Variants in COL14A1 observed in about 807,000 individuals in gnomAD.
The protein encoded by COL14A1 is collagen alpha-1(XIV) chain.
Under a neutral mutation model 230.3 loss-of-function variants are expected in COL14A1, and 136 were observed. The observed-to-expected ratio is 0.59, with a 90% CI of 0.51 to 0.68. The LOEUF is 0.68. COL14A1 is among the 30% of genes least tolerant of loss of function. The pLI, the probability that COL14A1 is intolerant of heterozygous loss-of-function variation, is 0.00. For synonymous variants in COL14A1, 792 were observed against 784.1 expected (o/e 1.01, Z -0.17); for missense variants, 1,976 against 2,215.8 (o/e 0.89, Z 2.17).
At chr8:120,256,920 T>C (rs1319602873) in intron 23 of COL14A1, among the ~76,000 whole-genome samples, 5 of 152,208 alleles carry the variant, frequency 3.3e-5, no homozygotes, top group Admixed American at 2.0e-4. Flanking sequence ...GGATATTCGT[T>C]GCCTTTCATA....
At chr8:120,168,925 G>A (rs1478457689) in intron 5 of COL14A1, among the ~76,000 whole-genome samples, 5 of 151,910 alleles carry the variant, frequency 3.3e-5, no homozygotes, top group Non-Finnish European at 7.4e-5. Context: ...TCACAATCTC[G>A]GCTCACTGCA....
At chr8:120,222,771 C>CAA (rs397762677) in intron 14 of COL14A1, among the ~76,000 whole-genome samples, 1,951 of 151,064 alleles carry the variant, frequency 0.013, 13 homozygotes, top group Middle Eastern at 0.051. Flanking sequence ...TCTATTCACT[C>CAA]AAAAAAAAAT....
Position 120,196,936 on chromosome 8 carries a change from GAC to G in COL14A1, c.585_586del (p.Arg196AsnfsTer7). The part of the protein sequence containing the change: ...VTAFDVGSEK[T>X]RIGLAQYSGD... ...CAGCATTCGATGTGGGCTCAGAGAA[GAC>G]ACGAATTGGTATAATTTCTATTATT... is the stretch of plus-strand genomic sequence containing the variant. On this transcript the variant is annotated frameshift_variant, in exon 6 of 48. Coordinates refer to ENST00000297848, the MANE Select transcript of COL14A1 (RefSeq NM_021110.4). LOFTEE classifies it high-confidence loss of function. 6.2e-7 allele frequency: 1 copy of G among 1,613,774 alleles called. No individual in the cohort carries two copies. Among genetic ancestry groups the G allele is most frequent in the Non-Finnish European group, 8.5e-7 (1 of 1,179,848 alleles).
intron 8 of COL14A1, among the ~76,000 whole-genome samples, chr8:120,203,021 T>TATATATA (rs61499035): frequency 2.3e-4 from 32 of 141,540 alleles, no homozygotes; most frequent in East Asian, 4.1e-4. Flanking sequence ...TATATATATA[T>TATATATA]TTGTTCTAGC....
At chr8:120,301,032 A>G (rs535499655) in intron 36 of COL14A1, among the ~76,000 whole-genome samples, 1 of 152,200 alleles carries the variant, frequency 6.6e-6, no homozygotes, top group East Asian at 1.9e-4. Flanking sequence ...TGACTCCTAG[A>G]GATGATGCTT....
At chr8:120,310,135 C>G (rs529299261) in intron 37 of COL14A1, 73 bp downstream of exon 37, 876 of 1,470,880 alleles carry the variant, frequency 6.0e-4, no homozygotes, top group Non-Finnish European at 7.7e-4. Context: ...CATTTTGGAG[C>G]TAAATGTGAC....
At chr8:120,371,119 C>G (rs973747647) in intron 47 of COL14A1, 33 bp from the exon 48 acceptor site, 1 of 1,528,012 alleles carries the variant, frequency 6.5e-7, no homozygotes, top group Non-Finnish European at 8.9e-7. Context: ...TTCCTGGGTG[C>G]AGCAAGTCCC....
intron 1 of COL14A1, among the ~76,000 whole-genome samples, chr8:120,136,169 C>T (rs373259540): frequency 5.9e-5 from 9 of 152,128 alleles, no homozygotes; most frequent in African/African-American, 1.9e-4. Context: ...AGTTAACATC[C>T]CTATTTTATT....
In COL14A1 at chr8:120,280,903, C is replaced by CTTTT; in HGVS notation, c.3686-6_3686-3dup. 3 of 1,398,552 alleles carry CTTTT rather than the reference C, an allele frequency of 2.1e-6. No individual in the cohort carries two copies. The highest frequency in any genetic ancestry group is 2.9e-6 in the Non-Finnish European group (3 of 1,036,640). The allele number at this position is 1,398,552 out of a possible 1,614,324, so 86.6% of individuals were successfully genotyped here. ...ATTCCTTATGTTTATTCTTTTTCTA[C>CTTTT]TTTTTTTTTTTTTTTAGGATTTAAG... On this transcript the variant is annotated splice_polypyrimidine_tract_variant and intron_variant, in intron 30 of 47. Transcript: ENST00000297848.
chr8:120,309,741 A>G (rs938830866), intron 36 of COL14A1, among the ~76,000 whole-genome samples: 2 of 152,192 alleles, frequency 1.3e-5, no homozygotes, highest in Non-Finnish European at 2.9e-5. Context: ...GTAGTCTTCT[A>G]TAACCACTAA....
intron 40 of COL14A1, among the ~76,000 whole-genome samples, chr8:120,327,237 G>C (rs1488231816): frequency 2.0e-5 from 3 of 152,148 alleles, no homozygotes; most frequent in Non-Finnish European, 4.4e-5. Context: ...CTGCTATGGT[G>C]CTGACTGCTA....
chr8:120,248,867 T>TAAA (rs1448407287), intron 21 of COL14A1, among the ~76,000 whole-genome samples: 3 of 143,746 alleles, frequency 2.1e-5, no homozygotes, highest in Non-Finnish European at 3.0e-5. Flanking sequence ...AAAATAAAAA[T>TAAA]AAAATATAAG....
intron 36 of COL14A1, among the ~76,000 whole-genome samples, chr8:120,306,143 T>C (rs115962608): frequency 0.016 from 2,384 of 152,310 alleles, 62 homozygotes; most frequent in African/African-American, 0.055. Context: ...AGTTTTTTAT[T>C]GTTTCTTTCT....
chr8:120,370,237 T>C (rs1823539925), intron 47 of COL14A1: 1 of 1,257,622 alleles, frequency 8.0e-7, no homozygotes, highest in African/African-American at 1.5e-5. Context: ...AATTTAACCT[T>C]AGTTATCACA....
intron 34 of COL14A1, among the ~76,000 whole-genome samples, chr8:120,295,124 C>G (rs1337554753): frequency 6.6e-6 from 1 of 151,782 alleles, no homozygotes; most frequent in South Asian, 2.1e-4. Context: ...TCTGAGGGCT[C>G]TACTCAGAAA....
intron 12 of COL14A1, among the ~76,000 whole-genome samples, chr8:120,211,740 G>A (rs546567703): frequency 2.0e-5 from 3 of 152,070 alleles, no homozygotes; most frequent in Non-Finnish European, 4.4e-5. Flanking sequence ...ATTAATCCTG[G>A]CAGTCATGTG....
At chr8:120,216,621 T>G (rs1268633846) in intron 14 of COL14A1, 131 bp downstream of exon 14, 1 of 950,400 alleles carries the variant, frequency 1.1e-6, no homozygotes. Flanking sequence ...ATAGTTCCTG[T>G]ATGTAGGTCA....
At chr8:120,179,107 T>C (rs1049121599) in intron 5 of COL14A1, among the ~76,000 whole-genome samples, 1 of 152,234 alleles carries the variant, frequency 6.6e-6, no homozygotes, top group African/African-American at 2.4e-5. Flanking sequence ...ATTTTGGCTT[T>C]TGTTGCCATT....
chr8:120,174,411 C>A (rs924736001), intron 5 of COL14A1, among the ~76,000 whole-genome samples: 1 of 152,132 alleles, frequency 6.6e-6, no homozygotes, highest in African/African-American at 2.4e-5. Context: ...TTTCCCCTAA[C>A]GCACCTTCCT....
Sources: allele counts gnomAD v4.1 joint callset (sites outside exome capture counted in the v4.1 genomes callset), GRCh38; gene constraint gnomAD v4.1.1; transcripts MANE v1.5; gene names NCBI Gene and HGNC (gene_info 2026-07-23, HGNC 2026-07-21).